PPFIBP2: variants seen among roughly 807,000 people sequenced by gnomAD.
PPFIBP2 encodes the protein liprin-beta-2.
Under a neutral mutation model 118.3 loss-of-function variants are expected in PPFIBP2, and 118 were observed. The ratio of observed to expected loss-of-function variants is 1.00; its 90% confidence interval spans 0.86 to 1.16. The LOEUF is 1.16. PPFIBP2 is among the 50% of genes most tolerant of loss of function. The pLI is 0.00. For synonymous variants in PPFIBP2, 414 were observed against 397.4 expected, an observed-to-expected ratio of 1.04 and a Z score of -0.50; for missense variants, 1,195 against 1,073.1, an observed-to-expected ratio of 1.11 and a Z score of -1.59.
intron 3 of PPFIBP2, among the ~76,000 whole-genome samples, chr11:7,570,926 G>C (rs1855587383): frequency 6.6e-6 from 1 of 152,214 alleles, no homozygotes; most frequent in Admixed American, 6.5e-5. Context: ...GCTATATGGA[G>C]TGGTCTCTTT....
intron 2 of PPFIBP2, among the ~76,000 whole-genome samples, chr11:7,552,457 G>T (rs1853102466): frequency 6.6e-6 from 1 of 152,148 alleles, no homozygotes; most frequent in Admixed American, 6.5e-5. Context: ...TAAGGCTTGT[G>T]CATCCATTGC....
intron 5 of PPFIBP2, among the ~76,000 whole-genome samples, chr11:7,602,794 G>A (rs758742756): frequency 3.3e-5 from 5 of 152,146 alleles, no homozygotes; most frequent in Admixed American, 6.5e-5. Flanking sequence ...TTACTTTTAG[G>A]TGAGGTTGGG....
chr11:7,553,074 T>C (rs1363768386), intron 2 of PPFIBP2, among the ~76,000 whole-genome samples: 1 of 152,100 alleles, frequency 6.6e-6, no homozygotes, highest in Non-Finnish European at 1.5e-5. Context: ...TTTTTTTTCA[T>C]TTGCTTTTGT....
chr11:7,543,949 C>T (rs1852035259), intron 1 of PPFIBP2, among the ~76,000 whole-genome samples: 1 of 152,276 alleles, frequency 6.6e-6, no homozygotes, highest in Non-Finnish European at 1.5e-5. Context: ...GTCATCATAC[C>T]TTGCCATTCT....
intron 1 of PPFIBP2, among the ~76,000 whole-genome samples, chr11:7,532,953 G>A (rs1267637856): frequency 1.3e-5 from 2 of 152,098 alleles, no homozygotes; most frequent in Admixed American, 6.5e-5. Flanking sequence ...GGCAGCCAGG[G>A]AGGCTCGTAG....
At chr11:7,622,048 C>T (rs1383755761) in intron 7 of PPFIBP2, among the ~76,000 whole-genome samples, 4 of 152,188 alleles carry the variant, frequency 2.6e-5, no homozygotes, top group Non-Finnish European at 5.9e-5. Context: ...TCTTGCATTG[C>T]TACAGGTAAA....
At chr11:7,571,391 T>C (rs1343229869) in intron 3 of PPFIBP2, among the ~76,000 whole-genome samples, 4 of 150,564 alleles carry the variant, frequency 2.7e-5, no homozygotes, top group Non-Finnish European at 5.9e-5. Context: ...AGCAAATCTG[T>C]TTACCATATT....
At chr11:7,644,498 A>G (rs962195991) in intron 17 of PPFIBP2, among the ~76,000 whole-genome samples, 2 of 152,140 alleles carry the variant, frequency 1.3e-5, no homozygotes, top group African/African-American at 4.8e-5. Flanking sequence ...GAGTTGATCT[A>G]CTGACTGTAT....
chr11:7,634,409 C>T (rs1264765273), intron 12 of PPFIBP2, 86 bp from the exon 13 acceptor site: 12 of 1,063,646 alleles, frequency 1.1e-5, no homozygotes, highest in Non-Finnish European at 1.6e-5. Flanking sequence ...CCAAGACCAT[C>T]GGTTAAGCAT....
At chr11:7,656,097 T>C (rs1454384374), downstream of PPFIBP2, among the ~76,000 whole-genome samples, 1 of 152,202 alleles carries the variant, frequency 6.6e-6, no homozygotes, top group Non-Finnish European at 1.5e-5. Context: ...CTCCTGAGCT[T>C]TGGCTTAGTT....
At position 7,557,720 on chromosome 11, in the gene PPFIBP2, T is replaced by A. The variant is rs567264058; in HGVS notation, c.65-7833T>A. 3.3e-5 allele frequency among the ~76,000 whole-genome samples: 5 copies of A among 152,326 alleles called. No homozygotes were observed. In the South Asian group the frequency reaches 1.0e-3, roughly 32 times the overall value. ...TCTTTGTTTCTATCATTTTGAGCGC[T>A]CTTTTTGAATAATCCTAGCATTCTA... On this transcript the variant is annotated intron_variant, in intron 2 of 23. Coordinates refer to ENST00000299492, the MANE Select transcript of PPFIBP2 (RefSeq NM_003621.5).
chr11:7,643,568 TGAA>T (rs566750212), intron 17 of PPFIBP2, among the ~76,000 whole-genome samples: 108 of 152,354 alleles, frequency 7.1e-4, no homozygotes, highest in African/African-American at 2.6e-3. Context: ...GGAAGACGTA[TGAA>T]GAAGTCCTGA....
intron 1 of PPFIBP2, among the ~76,000 whole-genome samples, chr11:7,521,930 T>G (rs905614799): frequency 2.0e-5 from 3 of 151,734 alleles, no homozygotes; most frequent in African/African-American, 4.8e-5. Flanking sequence ...CTGGGAGAGG[T>G]GAAGATGGAG....
chr11:7,565,610 C>G lies in PPFIBP2; in HGVS notation c.122C>G (p.Pro41Arg). The stretch of plus-strand genomic sequence containing the variant: ...ACTTGTGAGCCTGGACTGGCTTCCC[C>G]GGCCTCCTACATGAACCCCTTCCCG... ...DGTCEPGLASPASYMNPFPVL... is the reference protein window; with the variant it reads ...DGTCEPGLASRASYMNPFPVL... Residue 41 changes from proline (P) to arginine (R), a missense_variant, in exon 3 of 24, where the codon CCG (proline) becomes CGG (arginine). Physicochemically the swap from Pro to Arg is moderately radical, Grantham distance 103. Coordinates refer to ENST00000299492, the MANE Select transcript of PPFIBP2 (RefSeq NM_003621.5). 1 of 1,614,216 alleles carries G rather than the reference C, an allele frequency of 6.2e-7. No homozygotes were observed. The highest frequency in any genetic ancestry group is 8.5e-7 in the Non-Finnish European group (1 of 1,180,030).
At chr11:7,574,499 C>G (rs1017294514) in intron 3 of PPFIBP2, among the ~76,000 whole-genome samples, 2 of 152,206 alleles carry the variant, frequency 1.3e-5, no homozygotes, top group African/African-American at 4.8e-5. Context: ...GATAATCTGA[C>G]AACTCTTTTT....
At chr11:7,536,502 G>A (rs1456129425) in intron 1 of PPFIBP2, among the ~76,000 whole-genome samples, 1 of 152,176 alleles carries the variant, frequency 6.6e-6, no homozygotes. Context: ...TCTCAGTGAT[G>A]ATCGAAGATT....
chr11:7,535,885 G>C (rs1045660093), intron 1 of PPFIBP2, among the ~76,000 whole-genome samples: 1 of 152,194 alleles, frequency 6.6e-6, no homozygotes, highest in Admixed American at 6.5e-5. Flanking sequence ...CGGGAGGGGA[G>C]TAGGGTGGGG....
At chr11:7,585,552 A>G (rs561414479) in intron 3 of PPFIBP2, among the ~76,000 whole-genome samples, 1 of 152,366 alleles carries the variant, frequency 6.6e-6, no homozygotes, top group South Asian at 2.1e-4. Flanking sequence ...GAGGTGTACC[A>G]GAGCACATGT....
At chr11:7,641,688 A>G (rs1345008596) in intron 16 of PPFIBP2, 68 bp downstream of exon 16, 28 of 1,493,834 alleles carry the variant, frequency 1.9e-5, no homozygotes, top group Non-Finnish European at 2.5e-5. Flanking sequence ...CAAAGAGTCT[A>G]TGTAAGCCCC....
Sources: allele counts gnomAD v4.1 joint callset (sites outside exome capture counted in the v4.1 genomes callset), GRCh38; gene constraint gnomAD v4.1.1; transcripts MANE v1.5; gene names NCBI Gene and HGNC (gene_info 2026-07-23, HGNC 2026-07-21).